PAN3: variants seen among roughly 807,000 people sequenced by gnomAD.
The protein encoded by PAN3 is poly(A) specific ribonuclease subunit PAN3, also known as PAN2-PAN3 deadenylation complex subunit PAN3.
PAN3 carries 19 observed loss-of-function variants against 96.2 expected under a neutral mutation model. The ratio of observed to expected loss-of-function variants is 0.20; its 90% CI spans 0.14 to 0.29. The LOEUF is 0.29. Among genes scored for constraint, PAN3 ranks in the 10% least tolerant of loss-of-function variants. The pLI is 1.00. For synonymous variants in PAN3, 433 were observed against 406.6 expected (o/e 1.06, Z -0.78); for missense variants, 882 against 1,108.1 (o/e 0.80, Z 2.90).
intron 3 of PAN3, among the ~76,000 whole-genome samples, chr13:28,176,847 T>TAA (rs576041465): frequency 2.1e-5 from 3 of 144,376 alleles, no homozygotes; most frequent in African/African-American, 5.1e-5. Flanking sequence ...TCTCTATTAT[T>TAA]AAAAAAAAAA....
chr13:28,281,408 T>C, intron 17 of PAN3, 29 bp downstream of exon 17: 1 of 1,559,502 alleles, frequency 6.4e-7, no homozygotes, highest in South Asian at 1.1e-5. Flanking sequence ...TTACAATATA[T>C]TTTTAATCGA....
At chr13:28,183,537 C>G (rs1341187834) in intron 4 of PAN3, among the ~76,000 whole-genome samples, 2 of 152,200 alleles carry the variant, frequency 1.3e-5, no homozygotes. Flanking sequence ...CCTTTGGAAA[C>G]TGACACAGTT....
chr13:28,141,504 G>C (rs1322663755), intron 1 of PAN3, among the ~76,000 whole-genome samples: 1 of 54,972 alleles, frequency 1.8e-5, no homozygotes, highest in Non-Finnish European at 3.4e-5. Flanking sequence ...TTTCACTCTT[G>C]TTTACGAGGC....
intron 14 of PAN3, 75 bp from the exon 15 acceptor site, chr13:28,277,162 A>C (rs1481309460): frequency 7.2e-7 from 1 of 1,384,624 alleles, no homozygotes; most frequent in Non-Finnish European, 9.9e-7. Context: ...TTTTCCATTT[A>C]GGCAGTAGTG....
Position 28,249,925 on chromosome 13 carries a change from A to G in PAN3, c.1001-6367A>G, listed in dbSNP as rs144917447. ...GGGAGTTTCCTTTTTAGTGAAGTTG[A>G]TCTTTTAATAGTTCTTTCACCATGG... On this transcript the variant is annotated intron_variant, in intron 6 of 18. Coordinates refer to ENST00000380958, the MANE Select transcript of PAN3 (RefSeq NM_175854.8). Among the ~76,000 whole-genome samples the G allele has an allele frequency of 1.7e-3, 263 of 152,210 alleles. 2 individuals are homozygous for G. The highest frequency in any genetic ancestry group is 5.8e-3 in the African/African-American group (242 of 41,538).
intron 1 of PAN3, among the ~76,000 whole-genome samples, chr13:28,139,812 C>CTTTG (rs1869439338): frequency 6.6e-6 from 1 of 152,060 alleles, no homozygotes; most frequent in Non-Finnish European, 1.5e-5. Flanking sequence ...ATCCTGTCTT[C>CTTTG]TATAGCTTTG....
At chr13:28,187,285 C>T (rs902648122) in intron 4 of PAN3, among the ~76,000 whole-genome samples, 1 of 152,140 alleles carries the variant, frequency 6.6e-6, no homozygotes, top group African/African-American at 2.4e-5. Flanking sequence ...CGTGTTTGCA[C>T]CACTTCACTC....
At chr13:28,242,888 G>A (rs1293959384) in intron 6 of PAN3, among the ~76,000 whole-genome samples, 3 of 151,976 alleles carry the variant, frequency 2.0e-5, no homozygotes, top group African/African-American at 4.8e-5. Context: ...TACATATTTC[G>A]TTAGGTTTAT....
At chr13:28,284,008 T>C (rs1486743125) in intron 17 of PAN3, among the ~76,000 whole-genome samples, 1 of 152,232 alleles carries the variant, frequency 6.6e-6, no homozygotes, top group Admixed American at 6.5e-5. Flanking sequence ...CTGTAGGGAC[T>C]AACTTGTGCA....
At chr13:28,281,514 G>C in intron 17 of PAN3, 135 bp downstream of exon 17, 1 of 794,540 alleles carries the variant, frequency 1.3e-6, no homozygotes, top group South Asian at 1.8e-5. Context: ...TGTGTTAGCT[G>C]TTAAGGTGCT....
intron 5 of PAN3, among the ~76,000 whole-genome samples, chr13:28,213,728 G>A (rs1880351044): frequency 6.6e-6 from 1 of 151,420 alleles, no homozygotes; most frequent in African/African-American, 2.4e-5. Flanking sequence ...AAAGGTTGGG[G>A]GATACTTCAG....
At chr13:28,176,458 T>C in intron 2 of PAN3, 35 bp from the exon 3 acceptor site, 1 of 1,570,974 alleles carries the variant, frequency 6.4e-7, no homozygotes, top group Non-Finnish European at 8.8e-7. Context: ...TCTGTATTCC[T>C]CAGTGATGTT....
intron 1 of PAN3, among the ~76,000 whole-genome samples, chr13:28,156,291 T>A (rs1016449878): frequency 1.3e-5 from 2 of 152,188 alleles, no homozygotes; most frequent in African/African-American, 2.4e-5. Context: ...CCTCTATGCA[T>A]GTAGGGTAGA....
intron 3 of PAN3, among the ~76,000 whole-genome samples, chr13:28,177,194 T>G (rs1875131350): frequency 6.6e-6 from 1 of 152,204 alleles, no homozygotes; most frequent in African/African-American, 2.4e-5. Flanking sequence ...TTCTCATTTG[T>G]AAAGTGAGAA....
At chr13:28,238,040 A>G (rs558805621) in intron 6 of PAN3, among the ~76,000 whole-genome samples, 3 of 152,358 alleles carry the variant, frequency 2.0e-5, no homozygotes, top group African/African-American at 7.2e-5. Flanking sequence ...GGAAAAACAG[A>G]TAAAAAGAAA....
intron 1 of PAN3, among the ~76,000 whole-genome samples, chr13:28,148,239 C>A (rs1870928461): frequency 6.6e-6 from 1 of 151,832 alleles, no homozygotes; most frequent in Non-Finnish European, 1.5e-5. Context: ...TAAAGACCAC[C>A]ACACCCTGCC....
In PAN3 at chr13:28,224,023, C is replaced by T. The variant is rs1052975939; in HGVS notation, c.1000+3645C>T. Among the ~76,000 whole-genome samples, 13 of 151,762 alleles carry T rather than the reference C, an allele frequency of 8.6e-5. No individual in the cohort carries two copies. The South Asian group carries it at 1.7e-3, about 19-fold the overall frequency. ...AGCTGGGACTACAGGCGCCCGCCAC[C>T]GCGCCCGGCTAATTTTTTTTTGTAT... is the stretch of plus-strand genomic sequence containing the variant. On this transcript the variant is annotated intron_variant, in intron 6 of 18. Transcript: ENST00000380958.
At chr13:28,187,208 T>C (rs920270302) in intron 4 of PAN3, among the ~76,000 whole-genome samples, 2 of 152,002 alleles carry the variant, frequency 1.3e-5, no homozygotes, top group Non-Finnish European at 2.9e-5. Flanking sequence ...ACGCCTGTAG[T>C]CCCAGCTACT....
At chr13:28,175,521 C>T (rs886296687) in intron 2 of PAN3, among the ~76,000 whole-genome samples, 5 of 152,112 alleles carry the variant, frequency 3.3e-5, no homozygotes, top group East Asian at 1.9e-4. Context: ...AGGTATTACA[C>T]GTTGGGATTA....
Sources: gnomAD v4.1 joint callset for allele counts (sites outside exome capture counted in the v4.1 genomes callset) on GRCh38, gnomAD v4.1.1 for gene constraint, MANE v1.5 for transcripts, NCBI Gene and HGNC (gene_info 2026-07-23, HGNC 2026-07-21) for gene names.